POT1: variants seen among roughly 807,000 people sequenced by gnomAD.
The protein encoded by POT1 is protection of telomeres protein 1.
In POT1, 47 loss-of-function variants were observed where a neutral mutation model predicts 78.5. The observed-to-expected ratio is 0.60, with a 90% confidence interval of 0.47 to 0.76. POT1 has a LOEUF of 0.76. Among genes scored for constraint, POT1 ranks in the 30% least tolerant of loss-of-function variants. The pLI is 0.00. For missense variants in POT1, 646 were observed against 749.9 expected (o/e 0.86, Z 1.62); for synonymous variants, 259 against 260.7 (o/e 0.99, Z 0.06).
At chr7:124,901,958 A>G (rs774800962) in intron 3 of POT1, among the ~76,000 whole-genome samples, 1 of 151,948 alleles carries the variant, frequency 6.6e-6, no homozygotes, top group South Asian at 2.1e-4. Context: ...AAATAAACTG[A>G]GAAGAGAAGT....
At chr7:124,906,682 A>C (rs1796774056) in intron 3 of POT1, among the ~76,000 whole-genome samples, 2 of 152,108 alleles carry the variant, frequency 1.3e-5, no homozygotes, top group South Asian at 4.1e-4. Context: ...ATTCATGTGT[A>C]TATTTCATAT....
rs534620521 is a variant in POT1 at position 124,902,272 on chromosome 7, G to A, written c.-153-3898C>T. Among the ~76,000 whole-genome samples, 11 of 152,306 alleles carry A rather than the reference G, an allele frequency of 7.2e-5. No homozygotes were observed. In the East Asian group the frequency reaches 2.1e-3, roughly 29 times the overall value. On this transcript the variant is annotated intron_variant, in intron 3 of 18. Coordinates refer to ENST00000357628, the MANE Select transcript of POT1 (RefSeq NM_015450.3). ...AAGGAAAAAATGTTAAGAGCAGCCA[G>A]AGAAAAAGGTCAGGTTACCCACAAA...
intron 17 of POT1, among the ~76,000 whole-genome samples, chr7:124,825,948 G>C (rs1794620566): frequency 6.6e-6 from 1 of 152,298 alleles, no homozygotes; most frequent in East Asian, 1.9e-4. Context: ...TACCCTAAGA[G>C]AGGTCTGGGC....
chr7:124,850,836 T>C (rs1795289301), intron 11 of POT1, among the ~76,000 whole-genome samples: 1 of 151,994 alleles, frequency 6.6e-6, no homozygotes, highest in African/African-American at 2.4e-5. Flanking sequence ...TCATGCTTAT[T>C]ATTGAGATGG....
At chr7:124,913,476 T>G (rs892805743) in intron 3 of POT1, among the ~76,000 whole-genome samples, 1 of 152,182 alleles carries the variant, frequency 6.6e-6, no homozygotes, top group African/African-American at 2.4e-5. Flanking sequence ...ATTTTTACAT[T>G]TTTATGAAGC....
At chr7:124,829,219 C>T in intron 16 of POT1, 35 bp downstream of exon 16, 2 of 1,393,444 alleles carry the variant, frequency 1.4e-6, no homozygotes, top group African/African-American at 1.4e-5. Context: ...TGTAAACAAA[C>T]AGTTAAAATT....
chr7:124,851,201 TGAG>T (rs1157090424), intron 11 of POT1, among the ~76,000 whole-genome samples: 1 of 152,086 alleles, frequency 6.6e-6, no homozygotes, highest in Non-Finnish European at 1.5e-5. Flanking sequence ...CTCAGGAGGC[TGAG>T]GAGGGAGGAT....
At chr7:124,844,966 C>A (rs1795129676) in intron 12 of POT1, among the ~76,000 whole-genome samples, 1 of 152,126 alleles carries the variant, frequency 6.6e-6, no homozygotes, top group Non-Finnish European at 1.5e-5. Flanking sequence ...TTATCATTGT[C>A]ACTGTGCCTG....
chr7:124,902,231 C>G (rs1796639328), intron 3 of POT1, among the ~76,000 whole-genome samples: 1 of 152,104 alleles, frequency 6.6e-6, no homozygotes, highest in African/African-American at 2.4e-5. Flanking sequence ...CTGTCAGATT[C>G]ACCAAGGCTG....
intron 8 of POT1, among the ~76,000 whole-genome samples, chr7:124,859,965 A>T (rs1413685308): frequency 6.6e-6 from 1 of 151,992 alleles, no homozygotes; most frequent in Non-Finnish European, 1.5e-5. Context: ...AATTAAAATA[A>T]ATGCACTGTG....
intron 9 of POT1, among the ~76,000 whole-genome samples, chr7:124,853,726 TA>T (rs113646097): frequency 0.18 from 6,883 of 37,508 alleles, 391 homozygotes; most frequent in African/African-American, 0.35. Flanking sequence ...AGTTCAAACG[TA>T]AGAGTTAACT....
At chr7:124,853,854 TGAGA>T (rs375742102) in intron 9 of POT1, among the ~76,000 whole-genome samples, 2 of 152,028 alleles carry the variant, frequency 1.3e-5, no homozygotes, top group Admixed American at 6.6e-5. Flanking sequence ...AGATTTCAAA[TGAGA>T]GAGATGCAGA....
At chr7:124,891,756 T>C (rs1796376713) in intron 6 of POT1, among the ~76,000 whole-genome samples, 2 of 151,362 alleles carry the variant, frequency 1.3e-5, no homozygotes, top group Admixed American at 6.6e-5. Flanking sequence ...TACTTTAACC[T>C]GACAATTTAA....
chr7:124,864,601 T>C (rs1005663895), intron 7 of POT1, among the ~76,000 whole-genome samples: 3 of 152,128 alleles, frequency 2.0e-5, no homozygotes, highest in African/African-American at 7.2e-5. Flanking sequence ...TGAATAAATC[T>C]TTAACTTCTT....
chr7:124,858,882 TA>T, intron 9 of POT1, 74 bp downstream of exon 9: 1 of 1,132,232 alleles, frequency 8.8e-7, no homozygotes. Flanking sequence ...TAACCATATA[TA>T]AAAAATTTAC....
chr7:124,829,391 T>C, intron 15 of POT1, 49 bp from the exon 16 acceptor site: 1 of 1,247,640 alleles, frequency 8.0e-7, no homozygotes, highest in South Asian at 1.3e-5. Flanking sequence ...ATAATTTAGC[T>C]TGTTTGTTAT....
chr7:124,926,633 T>C (rs1218761858), intron 2 of POT1, among the ~76,000 whole-genome samples: 1 of 152,180 alleles, frequency 6.6e-6, no homozygotes, highest in African/African-American at 2.4e-5. Flanking sequence ...CCTGCACTCA[T>C]ATGTATACCA....
chr7:124,913,951 T>A (rs1442491498), intron 3 of POT1, among the ~76,000 whole-genome samples: 1 of 151,818 alleles, frequency 6.6e-6, no homozygotes, highest in Non-Finnish European at 1.5e-5. Context: ...CTGGCTAACA[T>A]GGTGAAACCC....
chr7:124,839,528 G>A (rs944986227), intron 14 of POT1, among the ~76,000 whole-genome samples: 1 of 152,114 alleles, frequency 6.6e-6, no homozygotes, highest in Non-Finnish European at 1.5e-5. Flanking sequence ...GTCAGTTTTT[G>A]ATTTTGTTAC....
Sources: gnomAD v4.1 joint callset for allele counts (sites outside exome capture counted in the v4.1 genomes callset) on GRCh38, gnomAD v4.1.1 for gene constraint, MANE v1.5 for transcripts, NCBI Gene and HGNC (gene_info 2026-07-23, HGNC 2026-07-21) for gene names.